The following SEPTIN9 variants were observed in gnomAD, a reference collection of about 807,000 sequenced individuals.
The protein encoded by SEPTIN9 is septin-9.
Under a neutral mutation model 56.6 loss-of-function variants are expected in SEPTIN9, and 13 were observed. The ratio of observed to expected loss-of-function variants is 0.23; its 90% CI spans 0.15 to 0.37. The LOEUF (loss-of-function observed/expected upper bound fraction) is 0.37. Ranked by LOEUF, SEPTIN9 falls within the 10% of genes least tolerant of loss-of-function variation. SEPTIN9 has a pLI of 1.00. For missense variants in SEPTIN9, 650 were observed against 823.1 expected (o/e 0.79, Z 2.57); for synonymous variants, 332 against 334.1 (o/e 0.99, Z 0.07).
chr17:77,282,364 A>G (rs186885455), intron 1 of SEPTIN9, among the ~76,000 whole-genome samples: 2 of 151,682 alleles, frequency 1.3e-5, no homozygotes, highest in Admixed American at 6.6e-5. Flanking sequence ...TGTCCTCCTC[A>G]GTCCTCAAAT....
intron 3 of SEPTIN9, 137 bp from the exon 4 acceptor site, chr17:77,482,007 G>A (rs971814188): frequency 6.3e-6 from 5 of 792,582 alleles, no homozygotes; most frequent in South Asian, 3.7e-5. Flanking sequence ...CTCAGGGGTC[G>A]CCTGGGCAAG....
intron 2 of SEPTIN9, among the ~76,000 whole-genome samples, chr17:77,338,766 A>G (rs1472319778): frequency 6.6e-6 from 1 of 152,200 alleles, no homozygotes; most frequent in South Asian, 2.1e-4. Flanking sequence ...TCTTTCTTTC[A>G]TGAAAGATTT....
chr17:77,497,018 C>T, intron 10 of SEPTIN9: 1 of 493,724 alleles, frequency 2.0e-6, no homozygotes, highest in Non-Finnish European at 3.7e-6. Context: ...CTTCCATGCT[C>T]CTATTTGGCC....
chr17:77,341,863 A>G (rs2033740682), intron 2 of SEPTIN9, among the ~76,000 whole-genome samples: 2 of 151,386 alleles, frequency 1.3e-5, no homozygotes, highest in African/African-American at 4.9e-5. Flanking sequence ...CGGGCAGATC[A>G]TGAGGTCAGG....
At chr17:77,408,766 G>C (rs1017207316) in intron 3 of SEPTIN9, among the ~76,000 whole-genome samples, 1 of 152,242 alleles carries the variant, frequency 6.6e-6, no homozygotes, top group East Asian at 1.9e-4. Flanking sequence ...AAGTTGGGGA[G>C]AGGGTGACCA....
chr17:77,364,722 G>A (rs929367254), intron 2 of SEPTIN9, among the ~76,000 whole-genome samples: 3 of 152,198 alleles, frequency 2.0e-5, no homozygotes, highest in African/African-American at 7.2e-5. Context: ...CCCCAATGTT[G>A]GGCATCTCCC....
intron 2 of SEPTIN9, among the ~76,000 whole-genome samples, chr17:77,338,427 CT>C (rs71160227): frequency 0.57 from 86,610 of 151,094 alleles, 25,456 homozygotes; most frequent in East Asian, 0.99. Flanking sequence ...TTTTCTTTTT[CT>C]TTTTTTTTGA....
At chr17:77,473,470 C>T (rs1054121003) in intron 3 of SEPTIN9, among the ~76,000 whole-genome samples, 10 of 152,088 alleles carry the variant, frequency 6.6e-5, no homozygotes, top group Non-Finnish European at 1.2e-4. Context: ...TGGGCTCAAA[C>T]GATCCTCCCG....
intron 2 of SEPTIN9, chr17:77,320,048 TG>T: frequency 1.4e-6 from 2 of 1,387,346 alleles, no homozygotes; most frequent in Non-Finnish European, 1.9e-6. Context: ...CTCCTATTTT[TG>T]GATTTCTCTC....
Position 77,315,538 on chromosome 17 carries a change from G to A in SEPTIN9, c.76+8341G>A, listed in dbSNP as rs1046028635. On this transcript the variant is annotated intron_variant, in intron 2 of 11. Coordinates refer to ENST00000427177, the MANE Select transcript of SEPTIN9 (RefSeq NM_001113491.2). ...CCTGACCTTGTGATCCACCTGCCTC[G>A]GCCTCCCAAAGTGCTGGGATTACAG... is the stretch of plus-strand genomic sequence containing the variant. Among the ~76,000 whole-genome samples the A allele has an allele frequency of 5.9e-5, 9 of 151,980 alleles. No individual in the cohort carries two copies. In the South Asian group the frequency reaches 1.0e-3, roughly 17 times the overall value.
chr17:77,344,066 A>G (rs919651205), intron 2 of SEPTIN9, among the ~76,000 whole-genome samples: 4 of 152,250 alleles, frequency 2.6e-5, no homozygotes, highest in African/African-American at 9.6e-5. Flanking sequence ...ATCAAGGAAT[A>G]CTACCAATGG....
intron 2 of SEPTIN9, among the ~76,000 whole-genome samples, chr17:77,361,067 G>GCACC (rs2034402317): frequency 6.6e-6 from 1 of 151,928 alleles, no homozygotes; most frequent in East Asian, 1.9e-4. Flanking sequence ...GGGATTACAG[G>GCACC]TGCCCACCAC....
intron 1 of SEPTIN9, among the ~76,000 whole-genome samples, chr17:77,289,461 T>C (rs2031436637): frequency 7.0e-6 from 1 of 142,006 alleles, no homozygotes; most frequent in Non-Finnish European, 1.5e-5. Flanking sequence ...CAGGCTGGAG[T>C]GCAAAGGCGC....
intron 3 of SEPTIN9, among the ~76,000 whole-genome samples, chr17:77,431,781 G>A (rs372241751): frequency 4.9e-5 from 7 of 143,360 alleles, no homozygotes; most frequent in African/African-American, 1.8e-4. Flanking sequence ...AGTGAGCCAA[G>A]ATCGTGCCAC....
In SEPTIN9 at chr17:77,435,400, A is replaced by C. The variant is rs2037301163; in HGVS notation, c.721+32697A>C. 6.6e-6 allele frequency among the ~76,000 whole-genome samples: 1 copy of C among 152,104 alleles called. No individual in the cohort carries two copies. The highest frequency in any genetic ancestry group is 1.5e-5 in the Non-Finnish European group (1 of 67,990). Reference sequence around the variant, plus strand: ...GGCTTCTTGAGGTGGCTCACCCCTAAACACGCCCCCCATGGTGGCTCTGTT... The same window carrying C: ...GGCTTCTTGAGGTGGCTCACCCCTACACACGCCCCCCATGGTGGCTCTGTT... On this transcript the variant is annotated intron_variant, in intron 3 of 11. Transcript: ENST00000427177. This position sits in a 1 kb window ranked among gnomAD's most constrained non-coding sequence, Gnocchi z 4.5.
At position 77,489,982 on chromosome 17, in the gene SEPTIN9, G is replaced by A. The variant is rs1252301066; in HGVS notation, c.1263-760G>A. ...CTGATGCCAGCTGGGCAAGCCGAGG[G>A]CGGGCGGGCGGTCTGTGGCACTTCT... On this transcript the variant is annotated intron_variant, in intron 7 of 11. Transcript: ENST00000427177. Among the ~76,000 whole-genome samples the A allele has an allele frequency of 1.3e-5, 2 of 152,244 alleles. 1 individual carries two copies. Among genetic ancestry groups the A allele is most frequent in the Admixed American group, 1.3e-4 (2 of 15,288 alleles).
Position 77,402,814 on chromosome 17 carries a change from C to T in SEPTIN9, c.721+111C>T. The T allele has an allele frequency of 8.7e-7, 1 of 1,149,748 alleles. No homozygotes were observed. The highest frequency in any genetic ancestry group is 1.2e-6 in the Non-Finnish European group (1 of 831,104). The allele number at this position is 1,149,748 out of a possible 1,614,324, so 71.2% of individuals were successfully genotyped here. A position where few individuals can be genotyped will look rare whatever the true frequency, so the allele number is the denominator to read the frequency against. ...CTGGATATGGGGTGGAGGGTGCTAC[C>T]CTGGAGACCCAGAAAGACCGGAATG... On this transcript the variant is annotated intron_variant, in intron 3 of 11. Coordinates refer to ENST00000427177, the MANE Select transcript of SEPTIN9 (RefSeq NM_001113491.2). The surrounding 1 kb of genome is among the most constrained non-coding windows in gnomAD (Gnocchi z 6.6).
At chr17:77,416,299 G>A (rs1321088218) in intron 3 of SEPTIN9, among the ~76,000 whole-genome samples, 1 of 152,208 alleles carries the variant, frequency 6.6e-6, no homozygotes, top group East Asian at 1.9e-4. Flanking sequence ...CCAGGAACAG[G>A]AAGGAGCTGG....
At chr17:77,303,615 A>C (rs1433169455) in intron 1 of SEPTIN9, among the ~76,000 whole-genome samples, 1 of 151,606 alleles carries the variant, frequency 6.6e-6, no homozygotes, top group African/African-American at 2.4e-5. Flanking sequence ...TGGGAGGCGG[A>C]GGTTGCGGTG....
Sources: allele counts gnomAD v4.1 joint callset (sites outside exome capture counted in the v4.1 genomes callset), GRCh38; gene constraint gnomAD v4.1.1; non-coding constraint Gnocchi (gnomAD v3.1); transcripts MANE v1.5; gene names NCBI Gene and HGNC (gene_info 2026-07-23, HGNC 2026-07-21).